The following MTHFD2L variants were observed in gnomAD, a reference collection of about 807,000 sequenced individuals.
MTHFD2L encodes the protein methylenetetrahydrofolate dehydrogenase (NADP+ dependent) 2 like.
MTHFD2L carries 29 observed loss-of-function variants against 34.9 expected under a neutral mutation model. That is an observed-to-expected ratio of 0.83 (90% CI 0.62 to 1.13). The LOEUF is 1.13. MTHFD2L is among the 50% of genes most tolerant of loss of function. The pLI, the probability that MTHFD2L is intolerant of heterozygous loss-of-function variation, is 0.00. For missense variants in MTHFD2L, 481 were observed against 446.5 expected (o/e 1.08, Z -0.70); for synonymous variants, 167 against 155.7 (o/e 1.07, Z -0.54).
chr4:74,232,484 C>T (rs1740223481), intron 6 of MTHFD2L, among the ~76,000 whole-genome samples: 1 of 152,120 alleles, frequency 6.6e-6, no homozygotes, highest in African/African-American at 2.4e-5. Context: ...TTCTGGCCCT[C>T]ACAACCCATG....
At chr4:74,193,404 G>T (rs1436024800) in intron 3 of MTHFD2L, among the ~76,000 whole-genome samples, 1 of 151,726 alleles carries the variant, frequency 6.6e-6, no homozygotes, top group Non-Finnish European at 1.5e-5. Flanking sequence ...TTCTAACTCT[G>T]TTTTCAAGAT....
At chr4:74,150,128 C>T (rs1053990735) in intron 1 of MTHFD2L, among the ~76,000 whole-genome samples, 9 of 152,042 alleles carry the variant, frequency 5.9e-5, no homozygotes, top group Admixed American at 1.3e-4. Flanking sequence ...CTACAGAACA[C>T]GCAAAAAGGA....
At chr4:74,123,968 A>G (rs1175318059), upstream of MTHFD2L, among the ~76,000 whole-genome samples, 1 of 152,148 alleles carries the variant, frequency 6.6e-6, no homozygotes, top group Non-Finnish European at 1.5e-5. Flanking sequence ...GTAGACATTT[A>G]GTTGCTAAAA....
intron 6 of MTHFD2L, among the ~76,000 whole-genome samples, chr4:74,238,575 T>A (rs1741191876): frequency 1.3e-5 from 2 of 151,838 alleles, no homozygotes; most frequent in South Asian, 4.1e-4. Context: ...TGGGAGAAAA[T>A]TTTTGCAATC....
At chr4:74,238,808 G>A (rs1741242996) in intron 6 of MTHFD2L, among the ~76,000 whole-genome samples, 1 of 152,182 alleles carries the variant, frequency 6.6e-6, no homozygotes, top group Non-Finnish European at 1.5e-5. Context: ...ACGCCAGTTA[G>A]AATGGCGATC....
chr4:74,287,775 A>C (rs866958818), intron 7 of MTHFD2L, among the ~76,000 whole-genome samples: 5 of 152,190 alleles, frequency 3.3e-5, no homozygotes, highest in Admixed American at 3.3e-4. Context: ...GCTCTTTCCC[A>C]TAAAAGTCTG....
chr4:74,155,321 G>C (rs141637897), upstream of MTHFD2L, among the ~76,000 whole-genome samples: 5 of 152,174 alleles, frequency 3.3e-5, no homozygotes, highest in African/African-American at 1.2e-4. Flanking sequence ...ATTCCTCACA[G>C]CACATTTATT....
intron 7 of MTHFD2L, among the ~76,000 whole-genome samples, chr4:74,289,718 T>A (rs1409166150): frequency 6.6e-6 from 1 of 151,908 alleles, no homozygotes; most frequent in Non-Finnish European, 1.5e-5. Flanking sequence ...TAAGAGGTGG[T>A]TAGATGGTAG....
At chr4:74,290,397 A>G (rs1274018390) in intron 7 of MTHFD2L, among the ~76,000 whole-genome samples, 2 of 152,098 alleles carry the variant, frequency 1.3e-5, no homozygotes, top group African/African-American at 4.8e-5. Context: ...ATTATGTCCA[A>G]CCTTTCATAA....
At chr4:74,239,174 T>C (rs904204595) in intron 6 of MTHFD2L, among the ~76,000 whole-genome samples, 1 of 152,176 alleles carries the variant, frequency 6.6e-6, no homozygotes, top group African/African-American at 2.4e-5. Context: ...GATGAGTTCA[T>C]GTCCTTTGCA....
At chr4:74,268,153 G>A (rs1390509252) in intron 6 of MTHFD2L, 1 of 983,852 alleles carries the variant, frequency 1.0e-6, no homozygotes, top group African/African-American at 1.8e-5. Flanking sequence ...AGAAATAACA[G>A]GAGGATACCT....
At chr4:74,238,524 C>T (rs879935293) in intron 6 of MTHFD2L, among the ~76,000 whole-genome samples, 1 of 152,050 alleles carries the variant, frequency 6.6e-6, no homozygotes, top group Non-Finnish European at 1.5e-5. Flanking sequence ...TTCTGCACAG[C>T]GAAAGACACT....
At chr4:74,142,395 A>C (rs949982578) in intron 1 of MTHFD2L, among the ~76,000 whole-genome samples, 1 of 152,174 alleles carries the variant, frequency 6.6e-6, no homozygotes, top group Non-Finnish European at 1.5e-5. Context: ...TTTTCCTCTA[A>C]GAACAGACCA....
chr4:74,268,535 G>C (rs745465303), intron 6 of MTHFD2L, among the ~76,000 whole-genome samples: 1 of 152,010 alleles, frequency 6.6e-6, no homozygotes, highest in Non-Finnish European at 1.5e-5. Flanking sequence ...ACCTTTTCTT[G>C]CTTCACTGAA....
chr4:74,248,088 C>T (rs1056374106), intron 6 of MTHFD2L, among the ~76,000 whole-genome samples: 8 of 151,538 alleles, frequency 5.3e-5, no homozygotes, highest in South Asian at 2.1e-4. Flanking sequence ...TGGTAGAATT[C>T]GGCTGTGAAT....
At chr4:74,284,543 C>A (rs201964281) in intron 7 of MTHFD2L, among the ~76,000 whole-genome samples, 4 of 147,930 alleles carry the variant, frequency 2.7e-5, no homozygotes, top group African/African-American at 5.0e-5. Flanking sequence ...TTTTTTTTTT[C>A]TTGTAAATTT....
intron 3 of MTHFD2L, among the ~76,000 whole-genome samples, chr4:74,182,314 ATCC>A (rs1258883782): frequency 6.6e-6 from 1 of 152,204 alleles, no homozygotes; most frequent in Non-Finnish European, 1.5e-5. Context: ...GTTAAGTCTC[ATCC>A]TTCTGCATAT....
In MTHFD2L at chr4:74,301,910, G is replaced by A; in HGVS notation, c.*101G>A. ...CTACAAAGCTATTTATTTCTACATGGTATTTATTTTTTCATGGGTGAAATC... is the reference window on the plus strand; with the variant it reads ...CTACAAAGCTATTTATTTCTACATGATATTTATTTTTTCATGGGTGAAATC... On this transcript the variant is annotated 3_prime_UTR_variant, in exon 8 of 8. Coordinates refer to ENST00000325278, the MANE Select transcript of MTHFD2L (RefSeq NM_001144978.3). 1.8e-6 allele frequency: 1 copy of A among 552,268 alleles called. No homozygotes were observed. Among genetic ancestry groups the A allele is most frequent in the East Asian group, 3.4e-5 (1 of 29,706 alleles). The allele number at this position is 552,268 out of a possible 1,614,324, so 34.2% of individuals were successfully genotyped here.
chr4:74,200,682 A>G (rs1169226949), intron 4 of MTHFD2L, among the ~76,000 whole-genome samples: 1 of 152,162 alleles, frequency 6.6e-6, no homozygotes, highest in African/African-American at 2.4e-5. Context: ...AGATCCTAGA[A>G]TCATACTCCT....
Sources: allele counts gnomAD v4.1 joint callset (sites outside exome capture counted in the v4.1 genomes callset), GRCh38; gene constraint gnomAD v4.1.1; transcripts MANE v1.5; gene names NCBI Gene and HGNC (gene_info 2026-07-23, HGNC 2026-07-21).